HEXB: variants seen among roughly 807,000 people sequenced by gnomAD.
HEXB encodes beta-hexosaminidase subunit beta.
HEXB carries 51 observed loss-of-function variants against 71.2 expected under a neutral mutation model. The ratio of observed to expected loss-of-function variants is 0.72; its 90% CI spans 0.57 to 0.90. The LOEUF (loss-of-function observed/expected upper bound fraction) is 0.90. Ranked by LOEUF, HEXB falls within the 40% of genes least tolerant of loss-of-function variation. HEXB has a pLI of 0.00. For synonymous variants in HEXB, 266 were observed against 249.3 expected (o/e 1.07, Z -0.63); for missense variants, 617 against 677.0 (o/e 0.91, Z 0.98).
intron 1 of HEXB, among the ~76,000 whole-genome samples, chr5:74,679,167 C>T (rs552216330): frequency 3.9e-5 from 6 of 152,244 alleles, no homozygotes; most frequent in South Asian, 2.1e-4. Flanking sequence ...GCAGCCATAA[C>T]GAACACCTTA....
intron 1 of HEXB, among the ~76,000 whole-genome samples, chr5:74,687,100 C>T (rs1008595322): frequency 1.3e-5 from 2 of 152,182 alleles, no homozygotes; most frequent in African/African-American, 4.8e-5. Context: ...GTTTGCCTAA[C>T]TCATGGCCTC....
intron 6 of HEXB, among the ~76,000 whole-genome samples, chr5:74,709,540 C>T (rs571109090): frequency 2.6e-4 from 39 of 152,158 alleles, no homozygotes; most frequent in Non-Finnish European, 1.6e-4. Context: ...ATTGATAGAA[C>T]GCTAGCAAGA....
In HEXB at chr5:74,652,819, A is replaced by C. The variant is rs900263285; in HGVS notation, c.-377+12261A>C. Among the ~76,000 whole-genome samples, 10 of 152,168 alleles carry C rather than the reference A, an allele frequency of 6.6e-5. No individual in the cohort carries two copies. The South Asian group carries it at 2.1e-3, about 32-fold the overall frequency. ...TAAGGTGGCTACTCAGTCTTGTCTC[A>C]CTGCAGTCCCAGGCCCATCCCATAA... On this transcript the variant is annotated intron_variant, in intron 1 of 13. Coordinates refer to the HEXB transcript ENST00000511181. The surrounding 1 kb of genome is among the most constrained non-coding windows in gnomAD (Gnocchi z 5.4).
chr5:74,645,007 G>T (rs1747976319), intron 1 of HEXB, among the ~76,000 whole-genome samples: 1 of 151,882 alleles, frequency 6.6e-6, no homozygotes, highest in South Asian at 2.1e-4. Context: ...CCTGACCTCA[G>T]GTGATCCACC....
intron 2 of HEXB, among the ~76,000 whole-genome samples, chr5:74,690,274 G>C (rs1358519970): frequency 6.6e-6 from 1 of 152,128 alleles, no homozygotes; most frequent in Non-Finnish European, 1.5e-5. Context: ...ATGTGGAATT[G>C]CACCAAGGAA....
rs1580359332 is a variant in HEXB, at chr5:74,652,476, G to T, written c.-377+11918G>T. 6.6e-6 allele frequency among the ~76,000 whole-genome samples: 1 copy of T among 152,216 alleles called. No individual in the cohort carries two copies. Among genetic ancestry groups the T allele is most frequent in the Admixed American group, 6.5e-5 (1 of 15,278 alleles). ...AATTGCAGCCGCTCCCATGTGTTGG[G>T]ATGTTTTGCAAAATTTTTTACATTC... On this transcript the variant is annotated intron_variant, in intron 1 of 13. Coordinates refer to the HEXB transcript ENST00000511181. This position sits in a 1 kb window ranked among gnomAD's most constrained non-coding sequence, Gnocchi z 5.4.
chr5:74,661,757 A>C (rs1341697621), intron 1 of HEXB, among the ~76,000 whole-genome samples: 2 of 152,216 alleles, frequency 1.3e-5, no homozygotes, highest in Non-Finnish European at 2.9e-5. Context: ...TAAAATTCCA[A>C]ACCTACAAAA....
At chr5:74,668,954 T>C (rs1748484604) in intron 1 of HEXB, among the ~76,000 whole-genome samples, 1 of 152,186 alleles carries the variant, frequency 6.6e-6, no homozygotes, top group South Asian at 2.1e-4. Flanking sequence ...GTGCGGGCAT[T>C]TTTTTCTTTT....
chr5:74,708,198 T>C (rs1334099783), intron 6 of HEXB, among the ~76,000 whole-genome samples: 2 of 151,368 alleles, frequency 1.3e-5, no homozygotes, highest in African/African-American at 2.4e-5. Context: ...CTAAGCTTCA[T>C]AAGTGAAGGA....
intron 13 of HEXB, 142 bp downstream of exon 13, chr5:74,720,889 T>G: frequency 1.2e-6 from 1 of 807,000 alleles, no homozygotes; most frequent in Non-Finnish European, 2.1e-6. Context: ...TAATAATACC[T>G]GTAAAGATAT....
At chr5:74,685,995 C>G (rs919035855) in intron 1 of HEXB, among the ~76,000 whole-genome samples, 2 of 152,096 alleles carry the variant, frequency 1.3e-5, no homozygotes, top group Non-Finnish European at 2.9e-5. Flanking sequence ...GTTTCGCCCC[C>G]TCACCTCTCC....
At chr5:74,714,853 AACTTCATCAGG>A (rs1264438417) in intron 7 of HEXB, among the ~76,000 whole-genome samples, 1 of 152,206 alleles carries the variant, frequency 6.6e-6, no homozygotes, top group African/African-American at 2.4e-5. Context: ...GAGGAATGTG[AACTTCATCAGG>A]ACACACTGGA....
chr5:74,720,256 G>A (rs1749793651), intron 11 of HEXB, 172 bp from the exon 12 acceptor site: 2 of 643,112 alleles, frequency 3.1e-6, no homozygotes, highest in East Asian at 2.8e-5. Context: ...GGTGGGGGAA[G>A]AGGAGGGGCC....
intron 1 of HEXB, among the ~76,000 whole-genome samples, chr5:74,664,270 T>C (rs1242048031): frequency 7.7e-6 from 1 of 130,136 alleles, no homozygotes; most frequent in South Asian, 2.4e-4. Flanking sequence ...AAAAAAAAAA[T>C]TTAAAAACTA....
chr5:74,674,605 GA>G (rs1199567534), intron 1 of HEXB, among the ~76,000 whole-genome samples: 211 of 94,858 alleles, frequency 2.2e-3, no homozygotes, highest in Middle Eastern at 7.1e-3. Flanking sequence ...CTCTGTCTCA[GA>G]AAAAAAAAAA....
At chr5:74,664,545 C>G (rs1302427381) in intron 1 of HEXB, among the ~76,000 whole-genome samples, 1 of 149,840 alleles carries the variant, frequency 6.7e-6, no homozygotes, top group Non-Finnish European at 1.5e-5. Context: ...ATGCCAAAAT[C>G]AGTTCTGGAT....
At chr5:74,681,679 G>T (rs536176474), upstream of HEXB, among the ~76,000 whole-genome samples, 6 of 152,284 alleles carry the variant, frequency 3.9e-5, no homozygotes, top group Admixed American at 1.3e-4. Flanking sequence ...AGTTTCACAA[G>T]ATCTCAGGGC....
chr5:74,671,580 C>T (rs1748540386), intron 1 of HEXB, among the ~76,000 whole-genome samples: 1 of 152,058 alleles, frequency 6.6e-6, no homozygotes, highest in South Asian at 2.1e-4. Flanking sequence ...CCTGAAGAAA[C>T]AAGGGGAGTG....
In HEXB at chr5:74,715,572, AT is replaced by A. The variant is rs768438206; in HGVS notation, c.965del (p.Ile322LysfsTer5). The A allele has an allele frequency of 1.2e-6, 2 of 1,612,362 alleles. No individual in the cohort carries two copies. Among genetic ancestry groups the A allele is most frequent in the Non-Finnish European group, 1.7e-6 (2 of 1,178,502 alleles). On this transcript the variant is annotated frameshift_variant, in exon 8 of 14. Coordinates refer to ENST00000261416, the MANE Select transcript of HEXB (RefSeq NM_000521.4). LOFTEE classifies it high-confidence loss of function. ...RQNKLDSFGPINPTLNTTYSF... is the reference protein window; with the variant it reads ...RQNKLDSFGPXNPTLNTTYSF... ...AAACAAGTTGGACTCTTTTGGACCT[AT>A]AAACCCTACTCTGAATACAACATAC...
Sources: gnomAD v4.1 joint callset for allele counts (sites outside exome capture counted in the v4.1 genomes callset) on GRCh38, gnomAD v4.1.1 for gene constraint, Gnocchi (gnomAD v3.1) non-coding constraint, MANE v1.5 for transcripts, NCBI Gene and HGNC (gene_info 2026-07-23, HGNC 2026-07-21) for gene names.